Variants in ZEB2 observed in about 807,000 individuals in gnomAD.
ZEB2 encodes the protein zinc finger E-box binding homeobox 2, also known as zinc finger E-box-binding homeobox 2.
Under a neutral mutation model 99.9 loss-of-function variants are expected in ZEB2, and 6 were observed. That is an observed-to-expected ratio of 0.06 (90% CI 0.03 to 0.12). The LOEUF (loss-of-function observed/expected upper bound fraction) is 0.12. Ranked by LOEUF, ZEB2 falls within the 10% of genes least tolerant of loss-of-function variation. The probability of loss-of-function intolerance (pLI) is 1.00; values close to 1 mark genes in which losing one functional copy is unlikely to be tolerated. For synonymous variants in ZEB2, 517 were observed against 542.5 expected, an observed-to-expected ratio of 0.95 and a Z score of 0.65; for missense variants, 969 against 1,502.8, an observed-to-expected ratio of 0.64 and a Z score of 5.87.
chr2:144,424,335 A>G, intron 4 of ZEB2: 1 of 518,500 alleles, frequency 1.9e-6, no homozygotes, highest in South Asian at 1.4e-5. Context: ...AACTGAGATG[A>G]TTAATTATTG....
chr2:144,517,857 CA>C, intron 1 of ZEB2: 1 of 473,900 alleles, frequency 2.1e-6, no homozygotes, highest in Non-Finnish European at 3.8e-6. Context: ...CCAGAGGAAA[CA>C]AACAAACAAA....
intron 4 of ZEB2, among the ~76,000 whole-genome samples, chr2:144,405,981 G>A (rs966321207): frequency 1.3e-5 from 2 of 152,106 alleles, no homozygotes; most frequent in Non-Finnish European, 2.9e-5. Context: ...TCCTAAGTAG[G>A]TGAAAAAAGT....
At chr2:144,472,071 GCATAA>G (rs972562167) in intron 2 of ZEB2, among the ~76,000 whole-genome samples, 5 of 151,842 alleles carry the variant, frequency 3.3e-5, no homozygotes, top group African/African-American at 1.2e-4. Flanking sequence ...ATGTTCTTAT[GCATAA>G]CATGTTTCCA....
intron 2 of ZEB2, among the ~76,000 whole-genome samples, chr2:144,470,798 C>A (rs545616917): frequency 6.6e-6 from 1 of 152,232 alleles, no homozygotes; most frequent in East Asian, 1.9e-4. Context: ...ATCTAGTCAG[C>A]AGACTGGAAC....
chr2:144,440,137 T>C (rs571691997), intron 2 of ZEB2, among the ~76,000 whole-genome samples: 1 of 152,318 alleles, frequency 6.6e-6, no homozygotes, highest in Admixed American at 6.5e-5. Flanking sequence ...TGGCTATTTA[T>C]TTACATGTTT....
intron 2 of ZEB2, among the ~76,000 whole-genome samples, chr2:144,472,522 A>C (rs1167250131): frequency 6.6e-6 from 1 of 152,174 alleles, no homozygotes; most frequent in Non-Finnish European, 1.5e-5. Flanking sequence ...ACTGTGTGCC[A>C]GCAGTGCTCT....
rs1560636163 is a variant in ZEB2, at chr2:144,466,529, G to T, written c.74-36503C>A. On this transcript the variant is annotated intron_variant, in intron 2 of 9. Transcript: ENST00000627532. ...GGCCCATCTTTCTACATAAAAAAAT[G>T]TCAAACAATTGTTCTCATTATACCA... Among the ~76,000 whole-genome samples the T allele has an allele frequency of 2.0e-5, 3 of 152,128 alleles. No homozygotes were observed. In the East Asian group the frequency reaches 5.8e-4, roughly 29 times the overall value.
At chr2:144,426,448 A>G (rs766567057) in intron 3 of ZEB2, 2 of 151,700 alleles carry the variant, frequency 1.3e-5, no homozygotes, top group Non-Finnish European at 2.9e-5. Context: ...CACAAGAATC[A>G]TAAGTTTTCC....
At chr2:144,446,377 C>T (rs1451814127) in intron 2 of ZEB2, among the ~76,000 whole-genome samples, 1 of 151,564 alleles carries the variant, frequency 6.6e-6, no homozygotes, top group Admixed American at 6.6e-5. Flanking sequence ...TCTATCCTTC[C>T]TTCCTTCTTT....
At chr2:144,435,599 TAAA>T (rs1271899949) in intron 2 of ZEB2, among the ~76,000 whole-genome samples, 8 of 134,588 alleles carry the variant, frequency 5.9e-5, no homozygotes, top group Admixed American at 1.5e-4. Flanking sequence ...ACCCTGTCTT[TAAA>T]AAAAAAAAAA....
At chr2:144,479,012 G>A (rs1704469762) in intron 2 of ZEB2, among the ~76,000 whole-genome samples, 1 of 152,070 alleles carries the variant, frequency 6.6e-6, no homozygotes, top group Non-Finnish European at 1.5e-5. Flanking sequence ...TCTTCATCTG[G>A]TTTTCTAAAG....
intron 2 of ZEB2, among the ~76,000 whole-genome samples, chr2:144,440,879 C>T (rs1166248487): frequency 3.3e-5 from 5 of 151,622 alleles, no homozygotes; most frequent in Middle Eastern, 3.2e-3. Flanking sequence ...ATGTCTTAAC[C>T]TTCAGAATGT....
At chr2:144,446,971 G>A (rs188639956) in intron 2 of ZEB2, among the ~76,000 whole-genome samples, 73 of 149,228 alleles carry the variant, frequency 4.9e-4, no homozygotes, top group Middle Eastern at 7.0e-3. Flanking sequence ...AGCTGAGATC[G>A]CGCCACGGCA....
chr2:144,403,050 C>T (rs1459574624), intron 6 of ZEB2, among the ~76,000 whole-genome samples: 1 of 152,180 alleles, frequency 6.6e-6, no homozygotes, highest in Non-Finnish European at 1.5e-5. Flanking sequence ...TAAGTGATTC[C>T]GGATCTGTAG....
At chr2:144,504,649 C>T (rs1196596578) in intron 2 of ZEB2, 1 of 152,118 alleles carries the variant, frequency 6.6e-6, no homozygotes, top group Non-Finnish European at 1.5e-5. Flanking sequence ...AGAAAAAAAA[C>T]AACAAGGTTA....
At chr2:144,481,249 C>G (rs1159142597) in intron 2 of ZEB2, among the ~76,000 whole-genome samples, 1 of 152,108 alleles carries the variant, frequency 6.6e-6, no homozygotes, top group Admixed American at 6.5e-5. Flanking sequence ...TAAATTAATC[C>G]TCTATGTGCC....
intron 2 of ZEB2, among the ~76,000 whole-genome samples, chr2:144,460,384 T>A (rs1704176102): frequency 6.6e-6 from 1 of 152,150 alleles, no homozygotes; most frequent in Non-Finnish European, 1.5e-5. Flanking sequence ...CTCTATTTAT[T>A]TATTTATTTT....
intron 2 of ZEB2, among the ~76,000 whole-genome samples, chr2:144,451,830 G>A (rs1351174787): frequency 6.6e-6 from 1 of 152,162 alleles, no homozygotes; most frequent in Non-Finnish European, 1.5e-5. Flanking sequence ...TTGTCCATAT[G>A]GACACATCGG....
At chr2:144,519,583 C>G (rs1237156670) in intron 1 of ZEB2, 1 of 192,050 alleles carries the variant, frequency 5.2e-6, no homozygotes, top group Non-Finnish European at 1.1e-5. Context: ...GACCTCTCCC[C>G]TTGATGAGTT....
Sources: gnomAD v4.1 joint callset for allele counts (sites outside exome capture counted in the v4.1 genomes callset) on GRCh38, gnomAD v4.1.1 for gene constraint, MANE v1.5 for transcripts, NCBI Gene and HGNC (gene_info 2026-07-23, HGNC 2026-07-21) for gene names.